The following MZT2B variants were observed in gnomAD, a reference collection of about 807,000 sequenced individuals.
The protein encoded by MZT2B is mitotic spindle organizing protein 2B.
Under a neutral mutation model 12.1 loss-of-function variants are expected in MZT2B, and 11 were observed. The observed-to-expected ratio is 0.91, with a 90% confidence interval of 0.57 to 1.50. MZT2B has a LOEUF of 1.50. MZT2B is among the 40% of genes most tolerant of loss of function. The pLI is 0.00. For missense variants in MZT2B, 209 were observed against 227.7 expected (o/e 0.92, Z 0.53); for synonymous variants, 85 against 109.5 (o/e 0.78, Z 1.40).
the MZT2B span, chr2:130,198,608 C>A: frequency 4.4e-6 from 2 of 455,244 alleles, 1 homozygote; most frequent in Admixed American, 8.9e-5. Context: ...GGGAAGGCAG[C>A]GGGGTCATCA....
the MZT2B span, chr2:130,204,453 G>A: frequency 1.7e-5 from 6 of 356,706 alleles, no homozygotes; most frequent in South Asian, 9.0e-5. Context: ...CACTTTGGGA[G>A]GTCGAGGCGG....
intron 2 of MZT2B, among the ~76,000 whole-genome samples, chr2:130,186,594 A>G (rs1266579555): frequency 2.0e-5 from 3 of 152,198 alleles, no homozygotes; most frequent in Non-Finnish European, 2.9e-5. Flanking sequence ...TGGTCATTGC[A>G]CTGCGTGTGG....
chr2:130,195,318 A>G (rs535734774), downstream of MZT2B: 4,393 of 1,524,582 alleles, frequency 2.9e-3, 19 homozygotes, highest in Non-Finnish European at 2.9e-3. Context: ...TACAGAGCAC[A>G]TGCTGTTCAA....
At chr2:130,185,303 T>TC (rs1690015720) in intron 2 of MZT2B, among the ~76,000 whole-genome samples, 1 of 112,144 alleles carries the variant, frequency 8.9e-6, no homozygotes, top group African/African-American at 3.9e-5. Flanking sequence ...AGAGCGAGAC[T>TC]CCGTCTCAAA....
chr2:130,200,911 T>C, the MZT2B span, among the ~76,000 whole-genome samples: 1 of 152,064 alleles, frequency 6.6e-6, no homozygotes, highest in Non-Finnish European at 1.5e-5. Flanking sequence ...TCCCTAAAGA[T>C]CATCTTAGTG....
chr2:130,194,600 A>T (rs1234130698), downstream of MZT2B: 6 of 1,200,178 alleles, frequency 5.0e-6, no homozygotes, highest in Non-Finnish European at 6.9e-6. Context: ...CATGCAATAC[A>T]CTTTGAAGCA....
chr2:130,181,793 C>T (rs755858418), upstream of MZT2B: 3 of 1,547,006 alleles, frequency 1.9e-6, no homozygotes, highest in South Asian at 3.6e-5. Flanking sequence ...CTCCGGCGCC[C>T]CAAGGTACTT....
downstream of MZT2B, among the ~76,000 whole-genome samples, chr2:130,190,951 G>T (rs1489779899): frequency 6.6e-6 from 1 of 151,820 alleles, no homozygotes; most frequent in Non-Finnish European, 1.5e-5. Flanking sequence ...AATGTGGGAG[G>T]TTTTTTTGGT....
chr2:130,202,384 G>A, the MZT2B span: 16 of 1,290,698 alleles, frequency 1.2e-5, no homozygotes, highest in South Asian at 1.3e-4. Flanking sequence ...CAGCAGCTAC[G>A]GGGGCCAGAG....
chr2:130,187,295 A>G (rs559889922), intron 2 of MZT2B, among the ~76,000 whole-genome samples: 10 of 152,198 alleles, frequency 6.6e-5, no homozygotes, highest in African/African-American at 2.4e-4. Context: ...GGCTCAGACA[A>G]TCCTCCCACC....
upstream of MZT2B, chr2:130,182,119 G>T: frequency 7.8e-7 from 1 of 1,286,352 alleles, no homozygotes; most frequent in East Asian, 3.5e-5. Context: ...CCCAATAACT[G>T]TTGGGCTTCA....
chr2:130,182,128 C>A, upstream of MZT2B: 1 of 1,266,960 alleles, frequency 7.9e-7, no homozygotes, highest in South Asian at 2.2e-5. Flanking sequence ...TGTTGGGCTT[C>A]AATGACGCCG....
At chr2:130,196,849 A>G in the MZT2B span, among the ~76,000 whole-genome samples, 2 of 152,114 alleles carry the variant, frequency 1.3e-5, no homozygotes, top group African/African-American at 4.8e-5. Flanking sequence ...TCCATCATTC[A>G]CCACCTGCTC....
At chr2:130,191,020 G>A (rs1203499129), downstream of MZT2B, among the ~76,000 whole-genome samples, 1 of 152,042 alleles carries the variant, frequency 6.6e-6, no homozygotes, top group African/African-American at 2.4e-5. Context: ...TGCGATCTCG[G>A]CTCACTACAA....
chr2:130,184,800 G>A (rs986317198), intron 2 of MZT2B: 71 of 985,318 alleles, frequency 7.2e-5, no homozygotes, highest in Non-Finnish European at 8.2e-5. Context: ...GCCAGGCCTA[G>A]CTCTCAGGGC....
downstream of MZT2B, among the ~76,000 whole-genome samples, chr2:130,193,108 A>G (rs574737920): frequency 1.4e-4 from 20 of 146,830 alleles, no homozygotes; most frequent in Admixed American, 1.4e-3. Flanking sequence ...AAAAAAAATT[A>G]CCCGGGCATG....
At chr2:130,186,401 G>C (rs13031361) in intron 2 of MZT2B, among the ~76,000 whole-genome samples, 55,395 of 152,062 alleles carry the variant, frequency 0.36, 10,516 homozygotes, top group East Asian at 0.46. Flanking sequence ...GCTTGTCTTG[G>C]TGAGAGTCTG....
chr2:130,192,390 G>C (rs1463110638), downstream of MZT2B, among the ~76,000 whole-genome samples: 1 of 152,174 alleles, frequency 6.6e-6, no homozygotes, highest in Non-Finnish European at 1.5e-5. Flanking sequence ...ACATGTGATA[G>C]GTGCCCAGGT....
the MZT2B span, chr2:130,198,363 C>A: frequency 2.9e-6 from 4 of 1,356,252 alleles, 1 homozygote; most frequent in Non-Finnish European, 3.0e-6. Flanking sequence ...CTTACCATGG[C>A]GAACTCCGCT....
Sources: allele counts gnomAD v4.1 joint callset (sites outside exome capture counted in the v4.1 genomes callset), GRCh38; gene constraint gnomAD v4.1.1; transcripts MANE v1.5; gene names NCBI Gene and HGNC (gene_info 2026-07-23, HGNC 2026-07-21).